The following HDAC9 variants were observed in gnomAD, a reference collection of about 807,000 sequenced individuals.
HDAC9 encodes the protein MEF-2 interacting transcription repressor (MITR) protein.
HDAC9 carries 41 observed loss-of-function variants against 139.4 expected under a neutral mutation model. That is an observed-to-expected ratio of 0.29 (90% CI 0.23 to 0.38). The LOEUF (loss-of-function observed/expected upper bound fraction) is 0.38, where lower values mean the gene tolerates loss of function less well. Ranked by LOEUF, HDAC9 falls within the 10% of genes least tolerant of loss-of-function variation. The pLI is 1.00. For missense variants in HDAC9, 1,147 were observed against 1,297.0 expected (o/e 0.88, Z 1.78); for synonymous variants, 517 against 476.2 (o/e 1.09, Z -1.12).
chr7:18,451,482 T>C (rs1336621037), intron 1 of HDAC9, among the ~76,000 whole-genome samples: 4 of 151,226 alleles, frequency 2.6e-5, no homozygotes, highest in Admixed American at 2.0e-4. Flanking sequence ...TATAGGTGAG[T>C]ATATTGGATT....
intron 22 of HDAC9, among the ~76,000 whole-genome samples, chr7:18,885,227 C>A (rs10252945): frequency 0.24 from 36,337 of 152,092 alleles, 4,411 homozygotes; most frequent in South Asian, 0.33. Flanking sequence ...CAGAATTATC[C>A]CAGGAATGCC....
chr7:18,837,283 G>A (rs1210256418), intron 21 of HDAC9, among the ~76,000 whole-genome samples: 1 of 151,630 alleles, frequency 6.6e-6, no homozygotes, highest in Non-Finnish European at 1.5e-5. Context: ...CGTCAACTTG[G>A]GTTGATTGTG....
chr7:18,880,517 C>T (rs1238837457), intron 22 of HDAC9, among the ~76,000 whole-genome samples: 1 of 152,040 alleles, frequency 6.6e-6, no homozygotes, highest in African/African-American at 2.4e-5. Context: ...ATGGATGGAG[C>T]TGGAGGCTAT....
chr7:18,838,444 G>C lies in HDAC9; in HGVS notation c.2684+2447G>C, dbSNP rs149153585. 7.2e-4 allele frequency among the ~76,000 whole-genome samples: 109 copies of C among 152,140 alleles called. 1 individual carries two copies. Among genetic ancestry groups the C allele is most frequent in the African/African-American group, 2.5e-3 (105 of 41,546 alleles). ...TATTCATACTGACTGGGCAGAGAGA[G>C]TGAACTGTGAAATGCATGGAGCCAT... On this transcript the variant is annotated intron_variant, in intron 21 of 25. Transcript: ENST00000686413.
chr7:18,233,633 A>G (rs1793620959), intron 2 of HDAC9, among the ~76,000 whole-genome samples: 2 of 152,178 alleles, frequency 1.3e-5, no homozygotes, highest in Admixed American at 6.5e-5. Context: ...TTGTGACTAA[A>G]GTAAAATTGC....
At chr7:18,664,171 T>C (rs145135245) in intron 11 of HDAC9, among the ~76,000 whole-genome samples, 58 of 152,254 alleles carry the variant, frequency 3.8e-4, no homozygotes, top group African/African-American at 1.3e-3. Context: ...CTGATTAGTA[T>C]TCAGAATTGG....
intron 2 of HDAC9, among the ~76,000 whole-genome samples, chr7:18,510,681 C>T (rs1006706777): frequency 6.6e-6 from 1 of 152,014 alleles, no homozygotes; most frequent in Non-Finnish European, 1.5e-5. Context: ...TAATCAAAAT[C>T]TCAATGCCAA....
chr7:18,589,576 T>C (rs1320896244), intron 3 of HDAC9, among the ~76,000 whole-genome samples: 1 of 152,086 alleles, frequency 6.6e-6, no homozygotes, highest in Non-Finnish European at 1.5e-5. Flanking sequence ...GAATGCATCA[T>C]ATTCATGTCA....
intron 7 of HDAC9, 123 bp from the exon 8 acceptor site, chr7:18,634,504 G>T: frequency 1.6e-6 from 1 of 612,886 alleles, no homozygotes; most frequent in South Asian, 2.2e-5. Flanking sequence ...TTTCTATTTT[G>T]TGAAATAGTG....
intron 1 of HDAC9, among the ~76,000 whole-genome samples, chr7:18,337,245 TTTC>T (rs1781650747): frequency 6.6e-6 from 1 of 151,684 alleles, no homozygotes. Context: ...GAGGAAAACC[TTTC>T]TTCCTTTCTT....
intron 22 of HDAC9, among the ~76,000 whole-genome samples, chr7:18,912,026 C>A (rs1802783883): frequency 6.6e-6 from 1 of 151,406 alleles, no homozygotes; most frequent in African/African-American, 2.4e-5. Flanking sequence ...TAGATTAAAT[C>A]CAAAGTTTCT....
chr7:18,859,811 CATATATATATATATATATAT>C lies in HDAC9; in HGVS notation c.2685-14638_2685-14619del, dbSNP rs56249427. On this transcript the variant is annotated intron_variant, in intron 21 of 25. Coordinates refer to ENST00000686413, the MANE Select transcript of HDAC9 (RefSeq NM_178425.4). ...GAAGAAATATAAAGGCTAACGCTCT[CATATATATATATATATATAT>C]ATATATATATATATATATATATATA... Among the ~76,000 whole-genome samples the C allele has an allele frequency of 5.5e-3, 246 of 44,840 alleles. 5 individuals carry two copies. Among genetic ancestry groups the C allele is most frequent in the East Asian group, 0.047 (102 of 2,172 alleles). 29.4% of individuals were successfully genotyped at this position (44,840 alleles called of 152,430 possible).
intron 22 of HDAC9, among the ~76,000 whole-genome samples, chr7:18,880,883 A>AT: frequency 6.7e-6 from 1 of 150,298 alleles, no homozygotes; most frequent in Admixed American, 6.6e-5. Context: ...AGCATCTTGA[A>AT]TTACCATCTT....
chr7:18,459,465 T>C (rs1018177369), intron 1 of HDAC9, among the ~76,000 whole-genome samples: 1 of 152,170 alleles, frequency 6.6e-6, no homozygotes, highest in African/African-American at 2.4e-5. Flanking sequence ...TTTATTTTTC[T>C]AGTTTTTTTT....
chr7:18,152,317 GTAAA>G (rs1451497213), intron 1 of HDAC9, among the ~76,000 whole-genome samples: 1 of 152,166 alleles, frequency 6.6e-6, no homozygotes, highest in East Asian at 1.9e-4. Context: ...GGTCAGAATG[GTAAA>G]TAATTTGCCT....
At chr7:18,610,683 T>C (rs1484701481) in intron 6 of HDAC9, among the ~76,000 whole-genome samples, 1 of 152,216 alleles carries the variant, frequency 6.6e-6, no homozygotes, top group Admixed American at 6.5e-5. Context: ...CTAATGCGCT[T>C]GGCCTTTCCT....
chr7:18,460,219 A>C (rs2128109120), intron 1 of HDAC9, among the ~76,000 whole-genome samples: 1 of 152,162 alleles, frequency 6.6e-6, no homozygotes, highest in South Asian at 2.1e-4. Flanking sequence ...GTTGTTCATG[A>C]GTAGAAGGTA....
intron 21 of HDAC9, among the ~76,000 whole-genome samples, chr7:18,861,634 G>A (rs1164607055): frequency 6.6e-6 from 1 of 152,078 alleles, no homozygotes; most frequent in Non-Finnish European, 1.5e-5. Context: ...GAGACACATT[G>A]GGCAATATCT....
chr7:18,552,255 T>C (rs1817398076), intron 2 of HDAC9, among the ~76,000 whole-genome samples: 1 of 152,212 alleles, frequency 6.6e-6, no homozygotes, highest in South Asian at 2.1e-4. Context: ...CAAATTATGA[T>C]CTTGAAAAAG....
Sources: allele counts gnomAD v4.1 joint callset (sites outside exome capture counted in the v4.1 genomes callset), GRCh38; gene constraint gnomAD v4.1.1; transcripts MANE v1.5; gene names NCBI Gene and HGNC (gene_info 2026-07-23, HGNC 2026-07-21).